UBE4B: variants seen among roughly 807,000 people sequenced by gnomAD.
The protein encoded by UBE4B is ubiquitination factor E4B.
UBE4B carries 27 observed loss-of-function variants against 148.1 expected under a neutral mutation model. The observed-to-expected ratio is 0.18, with a 90% confidence interval of 0.13 to 0.25. UBE4B has a LOEUF of 0.25. UBE4B is among the 10% of genes least tolerant of loss of function. UBE4B has a pLI of 1.00. For synonymous variants in UBE4B, 596 were observed against 619.3 expected (o/e 0.96, Z 0.56); for missense variants, 1,170 against 1,662.4 (o/e 0.70, Z 5.15).
intron 2 of UBE4B, chr1:10,072,448 A>C: frequency 3.0e-6 from 2 of 662,788 alleles, no homozygotes; most frequent in Non-Finnish European, 5.3e-6. Context: ...TTTTTTTTTC[A>C]AACAGGTTTA....
At chr1:10,101,543 C>G (rs1418425304) in intron 4 of UBE4B, among the ~76,000 whole-genome samples, 1 of 112,008 alleles carries the variant, frequency 8.9e-6, no homozygotes, top group African/African-American at 3.6e-5. Flanking sequence ...GAGTCTCGCT[C>G]TGTCGCCCAG....
chr1:10,040,574 C>T (rs1276623803), intron 1 of UBE4B, among the ~76,000 whole-genome samples: 1 of 151,526 alleles, frequency 6.6e-6, no homozygotes, highest in East Asian at 1.9e-4. Context: ...TGTAGACCCC[C>T]ACTCTGGCCT....
rs1465459073 is a variant in UBE4B, at chr1:10,168,233, TCC to T, written c.3297_3298del (p.Leu1100HisfsTer24). On this transcript the variant is annotated frameshift_variant, in exon 24 of 28. Transcript: ENST00000343090. LOFTEE classifies it high-confidence loss of function. The surrounding 1 kb of genome is among the most constrained non-coding windows in gnomAD (Gnocchi z 4.9). Reference sequence around the variant, plus strand: ...ACCGAAACCGTGGACATGTTCCACATCCTCACGAAGCAGGTCCAGAAGCCCTT... The same window carrying T: ...ACCGAAACCGTGGACATGTTCCACATTCACGAAGCAGGTCCAGAAGCCCTT... 6.2e-7 allele frequency: 1 copy of T among 1,614,160 alleles called. No homozygotes were observed. The highest frequency in any genetic ancestry group is 8.5e-7 in the Non-Finnish European group (1 of 1,180,020).
At chr1:10,164,479 T>C (rs1469248039) in intron 23 of UBE4B, among the ~76,000 whole-genome samples, 2 of 152,182 alleles carry the variant, frequency 1.3e-5, no homozygotes, top group Non-Finnish European at 2.9e-5. Context: ...CCTCCCAAAA[T>C]GCTGGGATTA....
At chr1:10,178,179 G>A (rs552690758) in intron 25 of UBE4B, among the ~76,000 whole-genome samples, 20 of 152,226 alleles carry the variant, frequency 1.3e-4, no homozygotes, top group African/African-American at 4.6e-4. Context: ...ATGAACAATA[G>A]TGGATTGTTT....
intron 7 of UBE4B, among the ~76,000 whole-genome samples, chr1:10,115,601 A>G (rs778290196): frequency 1.3e-5 from 2 of 152,162 alleles, no homozygotes; most frequent in Non-Finnish European, 2.9e-5. Flanking sequence ...AAGGTCAATT[A>G]TGTGTAGTTT....
At chr1:10,051,481 A>G (rs183799536) in intron 1 of UBE4B, among the ~76,000 whole-genome samples, 157 of 152,332 alleles carry the variant, frequency 1.0e-3, no homozygotes, top group African/African-American at 3.6e-3. Context: ...GTATCTTACT[A>G]GTTAAGGTAG....
intron 12 of UBE4B, 50 bp downstream of exon 12, chr1:10,129,498 C>T (rs201712464): frequency 1.3e-6 from 2 of 1,561,630 alleles, no homozygotes; most frequent in Non-Finnish European, 1.8e-6. Flanking sequence ...TATATCATAA[C>T]CCAGAAGGCA....
intron 2 of UBE4B, among the ~76,000 whole-genome samples, chr1:10,090,174 C>T (rs1403240345): frequency 6.6e-6 from 1 of 151,688 alleles, no homozygotes. Flanking sequence ...GGCCGAAGTG[C>T]AGAGGTGCCA....
intron 23 of UBE4B, among the ~76,000 whole-genome samples, chr1:10,167,444 T>A (rs529600216): frequency 0.02 from 2,685 of 132,108 alleles, 34 homozygotes; most frequent in Non-Finnish European, 0.028. Flanking sequence ...TCTCAAAAAA[T>A]AATAATAATA....
At chr1:10,103,130 C>A (rs377756764) in intron 5 of UBE4B, 38 bp downstream of exon 5, 2 of 1,538,136 alleles carry the variant, frequency 1.3e-6, no homozygotes, top group South Asian at 2.4e-5. Context: ...GCAGAGTACT[C>A]GACAAGAAAA....
At chr1:10,070,261 C>T (rs1366463477) in intron 1 of UBE4B, among the ~76,000 whole-genome samples, 2 of 148,028 alleles carry the variant, frequency 1.4e-5, no homozygotes, top group South Asian at 2.1e-4. Context: ...GTGACAAGAG[C>T]GAAACTCCGT....
intron 2 of UBE4B, among the ~76,000 whole-genome samples, chr1:10,087,329 A>G (rs530985508): frequency 5.3e-5 from 8 of 152,326 alleles, no homozygotes; most frequent in African/African-American, 1.9e-4. Flanking sequence ...CTTTCAATGT[A>G]CAGAAAAGTT....
At chr1:10,075,356 C>T (rs577559188) in intron 2 of UBE4B, among the ~76,000 whole-genome samples, 11 of 152,186 alleles carry the variant, frequency 7.2e-5, no homozygotes, top group Non-Finnish European at 1.5e-4. Flanking sequence ...TCACCTCCAC[C>T]GCTATTACCC....
Position 10,131,124 on chromosome 1 carries a change from AC to A in UBE4B, c.1911+314del, listed in dbSNP as rs373988095. The stretch of plus-strand genomic sequence containing the variant: ...GAGCAAGGATTGTTAGTTTGCACAC[AC>A]CCTCACTGACTTGCTTATCCCAAAT... On this transcript the variant is annotated intron_variant, in intron 14 of 27. Transcript: ENST00000343090. Among the ~76,000 whole-genome samples the A allele has an allele frequency of 1.6e-4, 25 of 152,254 alleles. No individual in the cohort carries two copies. In the East Asian group the frequency reaches 2.3e-3, roughly 14 times the overall value.
intron 1 of UBE4B, among the ~76,000 whole-genome samples, chr1:10,054,263 CCT>C (rs1343035644): frequency 6.6e-6 from 1 of 152,068 alleles, no homozygotes. Flanking sequence ...CAGTAAGCCA[CCT>C]CACATCTTTC....
At position 10,117,689 on chromosome 1, in the gene UBE4B, A is replaced by G. The variant is rs915078088; in HGVS notation, c.1338+89A>G. 13 of 1,416,594 alleles carry G rather than the reference A, an allele frequency of 9.2e-6. No homozygotes were observed. The African/African-American group carries it at 1.6e-4, about 17-fold the overall frequency. 87.8% of individuals were successfully genotyped at this position (1,416,594 alleles called of 1,614,324 possible). A position where few individuals can be genotyped will look rare whatever the true frequency, so the allele number is the denominator to read the frequency against. Reference sequence around the variant, plus strand: ...CCTGGAGCATTCATTGATTTATTCAATCAGTAAAGCAATTATTGAGCATTT... The same window carrying G: ...CCTGGAGCATTCATTGATTTATTCAGTCAGTAAAGCAATTATTGAGCATTT... On this transcript the variant is annotated intron_variant, in intron 8 of 27. Transcript: ENST00000343090.
At chr1:10,131,533 A>G (rs1050957376) in intron 14 of UBE4B, among the ~76,000 whole-genome samples, 4 of 151,802 alleles carry the variant, frequency 2.6e-5, no homozygotes, top group African/African-American at 4.8e-5. Context: ...AACTAAGGTA[A>G]TTTTGATCAT....
At chr1:10,122,120 C>T (rs1645421197) in intron 10 of UBE4B, 44 bp downstream of exon 10, 7 of 1,384,438 alleles carry the variant, frequency 5.1e-6, no homozygotes, top group Non-Finnish European at 7.1e-6. Flanking sequence ...AGCCTGAGAG[C>T]CTCTATGTCG....
Sources: gnomAD v4.1 joint callset for allele counts (sites outside exome capture counted in the v4.1 genomes callset) on GRCh38, gnomAD v4.1.1 for gene constraint, Gnocchi (gnomAD v3.1) non-coding constraint, MANE v1.5 for transcripts, NCBI Gene and HGNC (gene_info 2026-07-23, HGNC 2026-07-21) for gene names.